ANK3: variants seen among roughly 807,000 people sequenced by gnomAD.
ANK3 encodes the protein ankyrin-3.
In ANK3, 57 loss-of-function variants were observed where a neutral mutation model predicts 370.9. That is an observed-to-expected ratio of 0.15 (90% CI 0.12 to 0.19). The LOEUF (loss-of-function observed/expected upper bound fraction) is 0.19, where lower values mean the gene tolerates loss of function less well. Among genes scored for constraint, ANK3 ranks in the 10% least tolerant of loss-of-function variants. The pLI, the probability that ANK3 is intolerant of heterozygous loss-of-function variation, is 1.00. For missense variants in ANK3, 4,439 were observed against 5,302.1 expected, an observed-to-expected ratio of 0.84 and a Z score of 5.06; for synonymous variants, 1,929 against 1,946.3, an observed-to-expected ratio of 0.99 and a Z score of 0.23.
intron 1 of ANK3, among the ~76,000 whole-genome samples, chr10:60,616,935 A>G (rs761706200): frequency 5.9e-5 from 9 of 152,068 alleles, no homozygotes; most frequent in Non-Finnish European, 8.8e-5. Flanking sequence ...TTTTCTTGTT[A>G]TTACAATGAA....
intron 2 of ANK3, among the ~76,000 whole-genome samples, chr10:60,478,842 G>C (rs2075138215): frequency 6.6e-6 from 1 of 151,986 alleles, no homozygotes; most frequent in Non-Finnish European, 1.5e-5. Context: ...ATAAAATAAG[G>C]ATTGTAATAT....
At chr10:60,685,121 G>A (rs553244077) in intron 1 of ANK3, 1 of 919,294 alleles carries the variant, frequency 1.1e-6, no homozygotes, top group East Asian at 3.7e-5. Flanking sequence ...GTTTTCTCTG[G>A]TCTGATTTTG....
At chr10:60,248,135 A>C (rs1192629040) in intron 7 of ANK3, among the ~76,000 whole-genome samples, 1 of 152,200 alleles carries the variant, frequency 6.6e-6, no homozygotes, top group Non-Finnish European at 1.5e-5. Context: ...TGCTGCTATG[A>C]ATATCCATGT....
Position 60,055,829 on chromosome 10 carries a change from T to G in ANK3, c.12894A>C (p.Ser4298=), listed in dbSNP as rs747691544. The G allele has an allele frequency of 1.9e-6, 3 of 1,614,116 alleles. No individual in the cohort carries two copies. In the African/African-American group the frequency reaches 4.0e-5, roughly 22 times the overall value. The change falls in exon 42 of 44, where the codon TCA becomes TCC. Residue 4298 remains serine (S), a synonymous_variant. Coordinates refer to ENST00000280772, the MANE Select transcript of ANK3 (RefSeq NM_020987.5). ...GAGATTTCTGATATGCTGCTAGTGGTGATGCTGGTTCTTCAACATGACCAG... is the reference window on the plus strand; with the variant it reads ...GAGATTTCTGATATGCTGCTAGTGGGGATGCTGGTTCTTCAACATGACCAG... ...HGSGHVEEPA[S]PLAAYQKSLE...
intron 1 of ANK3, among the ~76,000 whole-genome samples, chr10:60,344,762 G>A (rs765053321): frequency 2.6e-5 from 4 of 152,276 alleles, no homozygotes; most frequent in Admixed American, 6.5e-5. Context: ...ATCAGTGGGA[G>A]GTACTTCACT....
chr10:60,495,631 C>T (rs1228135373), intron 2 of ANK3, among the ~76,000 whole-genome samples: 2 of 152,086 alleles, frequency 1.3e-5, no homozygotes, highest in African/African-American at 2.4e-5. Context: ...TGAGAACAGC[C>T]TTTATGAAGC....
rs1337133186 is a variant in ANK3 at position 60,291,334 on chromosome 10, T to A, written c.115-11695A>T. On this transcript the variant is annotated intron_variant, in intron 1 of 43. Coordinates refer to ENST00000280772, the MANE Select transcript of ANK3 (RefSeq NM_020987.5). ...GTGTCTTAATAATATGAGGTCAATA[T>A]AGTAACATTTTGTCTTGATTTGCAC... is the stretch of plus-strand genomic sequence containing the variant. Among the ~76,000 whole-genome samples, 3 of 152,166 alleles carry A rather than the reference T, an allele frequency of 2.0e-5. No individual in the cohort carries two copies. In the East Asian group the frequency reaches 5.8e-4, roughly 29 times the overall value.
chr10:60,140,426 G>C, intron 23 of ANK3: 2 of 1,613,258 alleles, frequency 1.2e-6, no homozygotes, highest in Admixed American at 3.3e-5. Context: ...TCCTTAAGCA[G>C]TGATTTAGAA....
intron 28 of ANK3, among the ~76,000 whole-genome samples, chr10:60,101,967 T>C (rs2091333433): frequency 6.6e-6 from 1 of 152,010 alleles, no homozygotes; most frequent in African/African-American, 2.4e-5. Context: ...AAAGGAGCAG[T>C]GCAGAGAGAC....
intron 1 of ANK3, among the ~76,000 whole-genome samples, chr10:60,297,800 A>T (rs889575054): frequency 6.6e-6 from 1 of 152,164 alleles, no homozygotes; most frequent in Non-Finnish European, 1.5e-5. Flanking sequence ...TATTATATTT[A>T]CTACATAACT....
In ANK3 at chr10:60,134,279, T is replaced by G. The variant is rs1224104906; in HGVS notation, c.2833A>C (p.Lys945Gln). Reference sequence around the variant, plus strand: ...TTGAAAAGAATGCATACCTGCTCTTTGGATGGCACAAGGAGTTCTTCAATC... The same window carrying G: ...TTGAAAAGAATGCATACCTGCTCTTGGGATGGCACAAGGAGTTCTTCAATC... ...MMIEELLVPS[K>Q]EQHLTFTREF... Residue 945 changes from lysine (K) to glutamine (Q), a missense_variant, in exon 25 of 44, where the codon AAA becomes CAA. Lys to Gln is a moderately conservative substitution (Grantham distance 53, BLOSUM62 1). Coordinates refer to ENST00000280772, the MANE Select transcript of ANK3 (RefSeq NM_020987.5). 1 of 1,613,640 alleles carries G rather than the reference T, an allele frequency of 6.2e-7. No homozygotes were observed. Among genetic ancestry groups the G allele is most frequent in the Admixed American group, 1.7e-5 (1 of 59,962 alleles).
chr10:60,625,956 A>G (rs1472349651), intron 1 of ANK3, among the ~76,000 whole-genome samples: 2 of 152,324 alleles, frequency 1.3e-5, no homozygotes, highest in Middle Eastern at 3.4e-3. Flanking sequence ...CAAAGCTGTC[A>G]ACTTTTATAT....
chr10:60,460,171 T>C (rs1321462677), intron 2 of ANK3, among the ~76,000 whole-genome samples: 1 of 152,144 alleles, frequency 6.6e-6, no homozygotes, highest in Non-Finnish European at 1.5e-5. Context: ...CTGTGATTTA[T>C]CTAAAAAGAA....
At chr10:60,139,192 T>C (rs2094466719) in intron 23 of ANK3, 105 bp from the exon 24 acceptor site, 3 of 1,354,200 alleles carry the variant, frequency 2.2e-6, no homozygotes, top group Non-Finnish European at 2.0e-6. Context: ...CAATATCTCA[T>C]ATTCACCTTC....
intron 1 of ANK3, among the ~76,000 whole-genome samples, chr10:60,331,615 G>T (rs1321024085): frequency 6.7e-6 from 1 of 150,364 alleles, no homozygotes; most frequent in East Asian, 1.9e-4. Context: ...CAGCGAACTT[G>T]CAGGTCATTC....
At chr10:60,146,105 C>T (rs1408778289) in intron 23 of ANK3, 23 of 1,504,274 alleles carry the variant, frequency 1.5e-5, no homozygotes, top group Non-Finnish European at 1.8e-5. Context: ...CTCTATGTTC[C>T]ATCCACCAGA....
intron 42 of ANK3, among the ~76,000 whole-genome samples, chr10:60,045,796 A>G (rs1020118139): frequency 2.0e-5 from 3 of 152,246 alleles, no homozygotes; most frequent in African/African-American, 7.2e-5. Context: ...TGGTGAGAAC[A>G]TTCTATGATT....
chr10:60,682,274 T>C (rs16915385), intron 1 of ANK3, among the ~76,000 whole-genome samples: 7,890 of 152,260 alleles, frequency 0.052, 286 homozygotes, highest in African/African-American at 0.085. Context: ...TTACTAACAC[T>C]AATCCATGCT....
intron 8 of ANK3, among the ~76,000 whole-genome samples, chr10:60,221,858 T>C (rs928088472): frequency 2.0e-5 from 3 of 152,166 alleles, no homozygotes; most frequent in Admixed American, 6.5e-5. Context: ...CTGATGTTTG[T>C]TTACTAACAA....
Sources: gnomAD v4.1 joint callset for allele counts (sites outside exome capture counted in the v4.1 genomes callset) on GRCh38, gnomAD v4.1.1 for gene constraint, MANE v1.5 for transcripts, NCBI Gene and HGNC (gene_info 2026-07-23, HGNC 2026-07-21) for gene names.